Variants in KPNA6 observed in about 807,000 individuals in gnomAD.
KPNA6 encodes the protein importin subunit alpha-7.
Under a neutral mutation model 72.0 loss-of-function variants are expected in KPNA6, and 9 were observed. The ratio of observed to expected loss-of-function variants is 0.13; its 90% CI spans 0.08 to 0.22. The LOEUF is 0.22. KPNA6 is among the 10% of genes least tolerant of loss of function. KPNA6 has a pLI of 1.00. For synonymous variants in KPNA6, 219 were observed against 242.1 expected (o/e 0.90, Z 0.89); for missense variants, 374 against 655.7 (o/e 0.57, Z 4.69).
At chr1:32,147,564 C>A (rs958886903) in intron 1 of KPNA6, among the ~76,000 whole-genome samples, 1 of 151,400 alleles carries the variant, frequency 6.6e-6, no homozygotes, top group African/African-American at 2.4e-5. Context: ...TCCCAAAGTG[C>A]TGGGATTACA....
chr1:32,142,311 C>T lies in KPNA6; in HGVS notation c.5-12277C>T, dbSNP rs78390452. ...TCAGAAGGGTTGTTTTATTCTCAGCCGTTTGTTGTTGGCTTCTATATAGCT... is the reference window on the plus strand; with the variant it reads ...TCAGAAGGGTTGTTTTATTCTCAGCTGTTTGTTGTTGGCTTCTATATAGCT... On this transcript the variant is annotated intron_variant, in intron 1 of 13. Coordinates refer to ENST00000373625, the MANE Select transcript of KPNA6 (RefSeq NM_012316.5). Among the ~76,000 whole-genome samples, 871 of 150,942 alleles carry T rather than the reference C, an allele frequency of 5.8e-3. 14 individuals are homozygous for T. Among genetic ancestry groups the T allele is most frequent in the African/African-American group, 0.02 (840 of 41,134 alleles).
intron 1 of KPNA6, among the ~76,000 whole-genome samples, chr1:32,144,073 A>G (rs1316618175): frequency 6.6e-6 from 1 of 152,202 alleles, no homozygotes; most frequent in African/African-American, 2.4e-5. Context: ...CGTACCTATG[A>G]TGAAGTTTAA....
At position 32,175,028 on chromosome 1, in the gene KPNA6, C is replaced by T. The variant is rs1037524269; in HGVS notation, c.*4134C>T. 2.0e-5 allele frequency: 3 copies of T among 152,242 alleles called. No individual in the cohort carries two copies. Among genetic ancestry groups the T allele is most frequent in the African/African-American group, 7.2e-5 (3 of 41,452 alleles). 9.4% of individuals were successfully genotyped at this position (152,242 alleles called of 1,614,324 possible). A position where few individuals can be genotyped will look rare whatever the true frequency, so the allele number is the denominator to read the frequency against. ...ATCCATGTAGTGGGCACTAGCTGCT[C>T]TTTGGCCAAGGCCTTCATAAATGAT... is the stretch of plus-strand genomic sequence containing the variant. On this transcript the variant is annotated 3_prime_UTR_variant, in exon 14 of 14. Transcript: ENST00000373625.
At chr1:32,111,593 T>A (rs776955314) in intron 1 of KPNA6, among the ~76,000 whole-genome samples, 2 of 152,202 alleles carry the variant, frequency 1.3e-5, no homozygotes, top group Middle Eastern at 3.2e-3. Flanking sequence ...TTTACACTTA[T>A]AAACTGAGGC....
intron 1 of KPNA6, among the ~76,000 whole-genome samples, chr1:32,145,328 CTT>C (rs930080417): frequency 1.7e-4 from 23 of 138,966 alleles, no homozygotes; most frequent in South Asian, 2.3e-4. Context: ...ATTTGTATTT[CTT>C]TTTTTTTTTT....
chr1:32,111,786 A>G (rs1023103374), intron 1 of KPNA6, among the ~76,000 whole-genome samples: 2 of 152,116 alleles, frequency 1.3e-5, no homozygotes, highest in African/African-American at 2.4e-5. Flanking sequence ...TATTTCTACT[A>G]TGCCAAACTT....
intron 1 of KPNA6, among the ~76,000 whole-genome samples, chr1:32,128,110 C>T (rs552478315): frequency 2.9e-4 from 44 of 151,996 alleles, no homozygotes; most frequent in African/African-American, 1.0e-3. Flanking sequence ...GTGGTAGTGG[C>T]AGTGAAGTGT....
intron 1 of KPNA6, among the ~76,000 whole-genome samples, chr1:32,150,538 C>G (rs995449903): frequency 3.3e-5 from 5 of 152,154 alleles, no homozygotes. Flanking sequence ...ATCCTACTAT[C>G]TACTGAAGTG....
At chr1:32,122,824 G>C (rs1374560436) in intron 1 of KPNA6, among the ~76,000 whole-genome samples, 1 of 151,974 alleles carries the variant, frequency 6.6e-6, no homozygotes, top group Non-Finnish European at 1.5e-5. Context: ...GGGTGTGGTG[G>C]TGCATGCCTG....
At chr1:32,122,750 G>A (rs1641456767) in intron 1 of KPNA6, among the ~76,000 whole-genome samples, 1 of 152,088 alleles carries the variant, frequency 6.6e-6, no homozygotes, top group Non-Finnish European at 1.5e-5. Flanking sequence ...GAGGCCAGGA[G>A]TTGGAGACCA....
intron 1 of KPNA6, among the ~76,000 whole-genome samples, chr1:32,148,949 T>G (rs1641980641): frequency 6.6e-6 from 1 of 152,106 alleles, no homozygotes; most frequent in Non-Finnish European, 1.5e-5. Context: ...TGCCTCAGCC[T>G]CCAAAATTGC....
chr1:32,158,934 A>G (rs1436390380), intron 5 of KPNA6, among the ~76,000 whole-genome samples: 1 of 152,192 alleles, frequency 6.6e-6, no homozygotes, highest in African/African-American at 2.4e-5. Flanking sequence ...CCTGAGGCAA[A>G]TTGTTTAGCC....
At chr1:32,165,340 G>A (rs370220515) in intron 10 of KPNA6, among the ~76,000 whole-genome samples, 1 of 152,022 alleles carries the variant, frequency 6.6e-6, no homozygotes, top group Non-Finnish European at 1.5e-5. Context: ...GCATACCACT[G>A]TGCCCAGCTT....
intron 1 of KPNA6, among the ~76,000 whole-genome samples, chr1:32,132,940 G>A (rs1641665664): frequency 6.6e-6 from 1 of 152,018 alleles, no homozygotes; most frequent in Non-Finnish European, 1.5e-5. Context: ...CCACTCTGTT[G>A]CCCAGGCTGG....
intron 1 of KPNA6, among the ~76,000 whole-genome samples, chr1:32,123,312 T>C (rs945784810): frequency 6.6e-6 from 1 of 152,154 alleles, no homozygotes; most frequent in Admixed American, 6.6e-5. Context: ...TTTTAGACCT[T>C]TTTTTCCCCC....
Position 32,175,747 on chromosome 1 carries a change from C to CACTCCAGCTTGGGTGACAGTGCGAG in KPNA6, c.*4860_*4884dup, listed in dbSNP as rs1247587015. 79 of 130,522 alleles carry CACTCCAGCTTGGGTGACAGTGCGAG rather than the reference C, an allele frequency of 6.1e-4. 1 individual carries two copies. The highest frequency in any genetic ancestry group is 2.3e-3 in the African/African-American group (77 of 33,574). The allele number at this position is 130,522 out of a possible 1,614,324, so 8.1% of individuals were successfully genotyped here. On this transcript the variant is annotated 3_prime_UTR_variant, in exon 14 of 14. Coordinates refer to ENST00000373625, the MANE Select transcript of KPNA6 (RefSeq NM_012316.5). ...GCAGTGAGCCAAGATCATGCCACTGCACTCCAGCTTGGGTGACAGTGCGAG... is the reference window on the plus strand; with the variant it reads ...GCAGTGAGCCAAGATCATGCCACTGCACTCCAGCTTGGGTGACAGTGCGAGACTCCAGCTTGGGTGACAGTGCGAG...
intron 1 of KPNA6, among the ~76,000 whole-genome samples, chr1:32,141,760 C>T (rs1388529165): frequency 6.6e-6 from 1 of 151,992 alleles, no homozygotes; most frequent in Non-Finnish European, 1.5e-5. Context: ...AAGCAGTTTA[C>T]TTCGATTGTC....
chr1:32,129,894 A>G (rs1307690102), intron 1 of KPNA6, among the ~76,000 whole-genome samples: 1 of 152,150 alleles, frequency 6.6e-6, no homozygotes, highest in Non-Finnish European at 1.5e-5. Flanking sequence ...CCAGGAAACA[A>G]CAAAGGAGTC....
intron 2 of KPNA6, among the ~76,000 whole-genome samples, chr1:32,155,417 G>GTTCAAGCAATTCTCCTGCC (rs1642120810): frequency 6.7e-6 from 1 of 148,914 alleles, no homozygotes; most frequent in Non-Finnish European, 1.5e-5. Context: ...TGCCTCCTGG[G>GTTCAAGCAATTCTCCTGCC]TTCAAGCAAT....
Sources: allele counts gnomAD v4.1 joint callset (sites outside exome capture counted in the v4.1 genomes callset), GRCh38; gene constraint gnomAD v4.1.1; transcripts MANE v1.5; gene names NCBI Gene and HGNC (gene_info 2026-07-23, HGNC 2026-07-21).